Variants in GRAMD1C observed in about 807,000 individuals in gnomAD.
GRAMD1C encodes protein Aster-C.
Under a neutral mutation model 97.8 loss-of-function variants are expected in GRAMD1C, and 89 were observed. The observed-to-expected ratio is 0.91, with a 90% confidence interval of 0.77 to 1.09. GRAMD1C has a LOEUF of 1.09. Among genes scored for constraint, GRAMD1C ranks in the 50% least tolerant of loss-of-function variants. The pLI is 0.00. For missense variants in GRAMD1C, 740 were observed against 766.4 expected, an observed-to-expected ratio of 0.97 and a Z score of 0.41; for synonymous variants, 256 against 267.0, an observed-to-expected ratio of 0.96 and a Z score of 0.40.
At chr3:113,862,825 T>A (rs1024927774) in intron 2 of GRAMD1C, among the ~76,000 whole-genome samples, 3 of 152,198 alleles carry the variant, frequency 2.0e-5, no homozygotes, top group African/African-American at 7.2e-5. Context: ...ACAATTTATG[T>A]TCTTCTGCCA....
chr3:113,886,536 A>G (rs575327509), intron 6 of GRAMD1C, among the ~76,000 whole-genome samples: 1 of 151,608 alleles, frequency 6.6e-6, no homozygotes, highest in East Asian at 1.9e-4. Flanking sequence ...CTTTCCTTCT[A>G]TTTTTCTCTC....
intron 1 of GRAMD1C, among the ~76,000 whole-genome samples, chr3:113,829,153 TG>T (rs1006364890): frequency 6.6e-6 from 1 of 152,170 alleles, no homozygotes; most frequent in African/African-American, 2.4e-5. Flanking sequence ...CTGGGTGCAG[TG>T]GCTCACATCT....
At chr3:113,919,476 A>G in intron 10 of GRAMD1C, 1 of 523,202 alleles carries the variant, frequency 1.9e-6, no homozygotes, top group Admixed American at 2.1e-5. Context: ...AGTAATGCTC[A>G]TGAATTTATA....
At chr3:113,887,098 T>G (rs1187732401) in intron 6 of GRAMD1C, among the ~76,000 whole-genome samples, 3 of 136,074 alleles carry the variant, frequency 2.2e-5, no homozygotes, top group East Asian at 4.2e-4. Context: ...TTTTTTTTGT[T>G]TTTTTTTTTT....
rs543905584 is a variant in GRAMD1C, at chr3:113,911,858, G to T, written c.952+2738G>T. Among the ~76,000 whole-genome samples, 7 of 152,050 alleles carry T rather than the reference G, an allele frequency of 4.6e-5. No individual in the cohort carries two copies. In the South Asian group the frequency reaches 1.0e-3, roughly 23 times the overall value. ...TTCTCCTGCCTCAGCCTTCCAAGTA[G>T]CTGGGACTACAGGTGCCCACCACCA... On this transcript the variant is annotated intron_variant, in intron 9 of 17. Transcript: ENST00000358160.
At chr3:113,934,922 T>C (rs1004029795) in intron 13 of GRAMD1C, among the ~76,000 whole-genome samples, 3 of 152,078 alleles carry the variant, frequency 2.0e-5, no homozygotes, top group Non-Finnish European at 4.4e-5. Context: ...TTTTGTATTA[T>C]TAGTAGAGAC....
chr3:113,931,747 A>G (rs1349880940), intron 11 of GRAMD1C, among the ~76,000 whole-genome samples: 1 of 152,112 alleles, frequency 6.6e-6, no homozygotes, highest in African/African-American at 2.4e-5. Context: ...TGCGCAACAC[A>G]GTGACACTTT....
In GRAMD1C at chr3:113,909,039, G is replaced by A; in HGVS notation, c.871G>A (p.Val291Met). The A allele has an allele frequency of 1.3e-6, 2 of 1,569,682 alleles. No individual in the cohort carries two copies. Among genetic ancestry groups the A allele is most frequent in the East Asian group, 2.3e-5 (1 of 42,974 alleles). ...LPTLEKKLTR[V>M]PSKSLDLNKN... ...AACTTTGGAAAAGAAGTTAACTAGA[G>A]TGCCATCAAAGTCACTGGACTTGAA... is the stretch of plus-strand genomic sequence containing the variant. The change falls in exon 9 of 18, where the codon GTG (valine) becomes ATG (methionine). Residue 291 changes from valine (V) to methionine (M), a missense_variant. Val to Met is a conservative substitution (Grantham distance 21). Transcript: ENST00000358160.
At chr3:113,837,864 C>T (rs924665854), upstream of GRAMD1C, among the ~76,000 whole-genome samples, 25 of 152,074 alleles carry the variant, frequency 1.6e-4, no homozygotes, top group African/African-American at 5.3e-4. Context: ...GCAGAGATTG[C>T]GCCACCGCAC....
At chr3:113,850,143 A>T in intron 2 of GRAMD1C, 2 of 405,406 alleles carry the variant, frequency 4.9e-6, no homozygotes, top group Non-Finnish European at 9.6e-6. Flanking sequence ...TTGATAATTC[A>T]TTAAGATCTT....
Position 113,844,643 on chromosome 3 carries a change from C to A in GRAMD1C, c.168C>A (p.Ser56Arg), listed in dbSNP as rs753603270. The A allele has an allele frequency of 4.4e-6, 7 of 1,574,788 alleles. No homozygotes were observed. The highest frequency in any genetic ancestry group is 6.0e-6 in the Non-Finnish European group (7 of 1,165,840). The change falls in exon 2 of 18, where the codon AGC (serine) becomes AGA (arginine). Residue 56 changes from serine (S) to arginine (R), a missense_variant. Ser to Arg is a moderately radical substitution (Grantham distance 110, BLOSUM62 -1). Coordinates refer to ENST00000358160, the MANE Select transcript of GRAMD1C (RefSeq NM_017577.5). ...PNLHNWSGDW[S>R]FWISSSTYKD... ...TACATAATTGGAGTGGTGACTGGAG[C>A]TTTTGGGTAATTTCTTTTTTTACGT...
upstream of GRAMD1C, among the ~76,000 whole-genome samples, chr3:113,837,182 G>C (rs564239867): frequency 8.0e-5 from 12 of 150,918 alleles, no homozygotes; most frequent in East Asian, 2.3e-3. Flanking sequence ...GTTTTGCCCA[G>C]GCTGGTCTTG....
At chr3:113,931,756 T>G (rs1256625279) in intron 11 of GRAMD1C, among the ~76,000 whole-genome samples, 1 of 151,964 alleles carries the variant, frequency 6.6e-6, no homozygotes, top group Non-Finnish European at 1.5e-5. Context: ...CAGTGACACT[T>G]TGTCTTTACC....
chr3:113,944,071 T>C (rs959904247), intron 17 of GRAMD1C, among the ~76,000 whole-genome samples: 1 of 152,150 alleles, frequency 6.6e-6, no homozygotes, highest in African/African-American at 2.4e-5. Context: ...AACCACACGT[T>C]CCAATGACTC....
chr3:113,840,327 C>CA (rs749832060), intron 1 of GRAMD1C, among the ~76,000 whole-genome samples: 1 of 152,104 alleles, frequency 6.6e-6, no homozygotes, highest in Non-Finnish European at 1.5e-5. Context: ...GCAGGCCTCT[C>CA]AAGCAGCACT....
intron 10 of GRAMD1C, among the ~76,000 whole-genome samples, chr3:113,916,089 A>ATTATCCC (rs1936800323): frequency 1.3e-5 from 2 of 152,340 alleles, no homozygotes; most frequent in South Asian, 4.1e-4. Flanking sequence ...ATATTTATTC[A>ATTATCCC]TTAAGGTACC....
rs147633796 is a variant in GRAMD1C, at chr3:113,903,268, C to T, written c.657-872C>T. Among the ~76,000 whole-genome samples the T allele has an allele frequency of 2.4e-3, 372 of 152,224 alleles. 1 individual carries two copies. The highest frequency in any genetic ancestry group is 4.4e-3 in the Non-Finnish European group (299 of 68,006). ...GATTACAGGCATGAGCCATCATGCC[C>T]GGTCGGCCTGAATGCTTTCTAAGAA... On this transcript the variant is annotated intron_variant, in intron 7 of 17. Transcript: ENST00000358160.
At chr3:113,942,508 G>T (rs2107387287) in intron 17 of GRAMD1C, among the ~76,000 whole-genome samples, 1 of 152,184 alleles carries the variant, frequency 6.6e-6, no homozygotes, top group Admixed American at 6.5e-5. Flanking sequence ...AGCACCTTTG[G>T]GTCAGTGTCC....
At chr3:113,886,533 T>C (rs948076899) in intron 6 of GRAMD1C, among the ~76,000 whole-genome samples, 3 of 152,254 alleles carry the variant, frequency 2.0e-5, no homozygotes, top group South Asian at 2.1e-4. Flanking sequence ...TTACTTTCCT[T>C]CTATTTTTCT....
Sources: gnomAD v4.1 joint callset for allele counts (sites outside exome capture counted in the v4.1 genomes callset) on GRCh38, gnomAD v4.1.1 for gene constraint, MANE v1.5 for transcripts, NCBI Gene and HGNC (gene_info 2026-07-23, HGNC 2026-07-21) for gene names.